The following CEP290 variants were observed in gnomAD, a reference collection of about 807,000 sequenced individuals.
CEP290 encodes centrosomal protein 290.
CEP290 carries 317 observed loss-of-function variants against 344.9 expected under a neutral mutation model. The observed-to-expected ratio is 0.92, with a 90% CI of 0.84 to 1.01. The LOEUF (loss-of-function observed/expected upper bound fraction) is 1.01. Among genes scored for constraint, CEP290 ranks in the 50% least tolerant of loss-of-function variants. CEP290 has a pLI of 0.00. For missense variants in CEP290, 2,754 were observed against 2,761.4 expected (o/e 1.00, Z 0.06); for synonymous variants, 932 against 895.8 (o/e 1.04, Z -0.72).
At chr12:88,097,152 G>A (rs2037489834) in intron 26 of CEP290, among the ~76,000 whole-genome samples, 153 bp from the exon 27 acceptor site, 1 of 151,972 alleles carries the variant, frequency 6.6e-6, no homozygotes, top group Non-Finnish European at 1.5e-5. Context: ...ATACATGTAT[G>A]CATACAAACA....
intron 9 of CEP290, among the ~76,000 whole-genome samples, 171 bp from the exon 10 acceptor site, chr12:88,130,047 T>C (rs946433680): frequency 6.6e-6 from 1 of 151,980 alleles, no homozygotes; most frequent in Non-Finnish European, 1.5e-5. Flanking sequence ...AAGAAAATAG[T>C]ACATAAGGAC....
rs2136547545 is a variant in CEP290 at position 88,049,385 on chromosome 12, C to G, written c.7239G>C (p.Leu2413=). The part of the protein sequence containing the change: ...KEEIKKLKKE[L]ENFDPSFFEE... Reference sequence around the variant, plus strand: ...CAAAAAATGAAGGATCAAAATTTTCCAGTTCTTTTTTCAGCTTCTTTATTT... The same window carrying G: ...CAAAAAATGAAGGATCAAAATTTTCGAGTTCTTTTTTCAGCTTCTTTATTT... Residue 2413 remains leucine (L), a synonymous_variant, in exon 54 of 54, where the codon CTG becomes CTC. Transcript: ENST00000552810. 6.5e-7 allele frequency: 1 copy of G among 1,535,834 alleles called. No homozygotes were observed. Among genetic ancestry groups the G allele is most frequent in the Non-Finnish European group, 8.9e-7 (1 of 1,124,618 alleles).
Position 88,089,488 on chromosome 12 carries a change from C to A in CEP290, c.3574-1G>T. On this transcript the variant is annotated splice_acceptor_variant, in intron 30 of 53. Transcript: ENST00000552810. LOFTEE classifies it high-confidence loss of function. ...TGAGCGACTTTTCATCAGACTGTGCCTGATATTAAAAAAAATATATATTTG... is the reference window on the plus strand; with the variant it reads ...TGAGCGACTTTTCATCAGACTGTGCATGATATTAAAAAAAATATATATTTG... The A allele has an allele frequency of 7.4e-7, 1 of 1,348,984 alleles. No individual in the cohort carries two copies. The highest frequency in any genetic ancestry group is 9.5e-7 in the Non-Finnish European group (1 of 1,048,652). The allele number at this position is 1,348,984 out of a possible 1,614,324, so 83.6% of individuals were successfully genotyped here.
chr12:88,050,454 AT>A, intron 52 of CEP290, 21 bp from the exon 53 acceptor site: 1 of 1,247,684 alleles, frequency 8.0e-7, no homozygotes, highest in Non-Finnish European at 1.2e-6. Flanking sequence ...AGTCATACAA[AT>A]TAGACTCAGC....
At chr12:88,091,820 GCTC>G (rs1363086925) in intron 29 of CEP290, among the ~76,000 whole-genome samples, 2 of 152,066 alleles carry the variant, frequency 1.3e-5, no homozygotes, top group African/African-American at 4.8e-5. Flanking sequence ...TTAACTAAGT[GCTC>G]CTTATACTTT....
At chr12:88,097,942 G>A (rs1346002790) in intron 26 of CEP290, among the ~76,000 whole-genome samples, 1 of 152,110 alleles carries the variant, frequency 6.6e-6, no homozygotes, top group Non-Finnish European at 1.5e-5. Context: ...GTGTGGGTGG[G>A]TGGCAGGATT....
In CEP290 at chr12:88,111,750, C is replaced by T. The variant is rs1378402668; in HGVS notation, c.2161G>A (p.Glu721Lys). 1 of 1,604,436 alleles carries T rather than the reference C, an allele frequency of 6.2e-7. No homozygotes were observed. The highest frequency in any genetic ancestry group is 1.3e-5 in the African/African-American group (1 of 74,508). Reference protein sequence around the residue: ...RNEELRQELRESRKEAINYSQ... With the variant: ...RNEELRQELRKSRKEAINYSQ... ...TAATTTATAGCCTCTTTCCGAGATT[C>T]CCTGAGCTCCTGTCTTAATTCTTCA... The change falls in exon 21 of 54, where the codon GAA (glutamate) becomes AAA (lysine). Residue 721 changes from glutamate to lysine, a missense_variant. By Grantham distance (56) the Glu-to-Lys change is moderately conservative (BLOSUM62 1). Transcript: ENST00000552810.
chr12:88,060,154 T>C, intron 47 of CEP290, 134 bp from the exon 48 acceptor site: 1 of 803,736 alleles, frequency 1.2e-6, no homozygotes, highest in South Asian at 2.0e-5. Context: ...AAGTCTTCAT[T>C]TGAATATTAG....
At chr12:88,058,028 T>C (rs1201330867) in intron 49 of CEP290, 3 of 152,278 alleles carry the variant, frequency 2.0e-5, no homozygotes, top group Non-Finnish European at 2.9e-5. Context: ...AGGATACCAC[T>C]TCATACAGGA....
chr12:88,051,545 G>A (rs2136587341), intron 52 of CEP290, among the ~76,000 whole-genome samples: 1 of 152,244 alleles, frequency 6.6e-6, no homozygotes, highest in South Asian at 2.1e-4. Flanking sequence ...TATATAGACA[G>A]TGATTTAGAA....
intron 43 of CEP290, 39 bp downstream of exon 43, chr12:88,071,255 T>TC (rs1460851704): frequency 1.9e-6 from 3 of 1,542,304 alleles, no homozygotes; most frequent in Middle Eastern, 2.0e-4. Context: ...AACCAGTTTT[T>TC]CATTACAATG....
In CEP290 at chr12:88,064,019, G is replaced by A; in HGVS notation, c.6232C>T (p.Gln2078Ter). ...AAATCTTTATTTGCTTGTTCAAGCT[G>A]AAATTTCAGTTCAATATTTTCAGAT... ...LSSENIELKF[Q>*]LEQANKDLPR... The change falls in exon 45 of 54, where the codon CAG (glutamine) becomes TAG (stop). Residue 2078 changes from glutamine (Q) to a stop codon, truncating the protein, a stop_gained. Transcript: ENST00000552810. LOFTEE classifies it high-confidence loss of function. The A allele has an allele frequency of 1.3e-6, 2 of 1,598,344 alleles. No individual in the cohort carries two copies. Among genetic ancestry groups the A allele is most frequent in the Non-Finnish European group, 1.7e-6 (2 of 1,172,094 alleles).
Position 88,129,528 on chromosome 12 carries a change from T to C in CEP290, c.852+166A>G, listed in dbSNP as rs1013313733. ...GCAAAAATTAGTGTTTGTGAGGTGA[T>C]TGGAGAAACACATATGGACAAATAT... On this transcript the variant is annotated intron_variant, in intron 10 of 53. Transcript: ENST00000552810. Among the ~76,000 whole-genome samples the C allele has an allele frequency of 3.9e-5, 6 of 151,998 alleles. No individual in the cohort carries two copies. In the East Asian group the frequency reaches 7.7e-4, roughly 20 times the overall value.
In CEP290 at chr12:88,093,674, T is replaced by G. The variant is rs957312893; in HGVS notation, c.3309+96A>C. On this transcript the variant is annotated intron_variant, in intron 28 of 53. Transcript: ENST00000552810. The stretch of plus-strand genomic sequence containing the variant: ...CATAGGCACTATATTAATAAGATAT[T>G]TCAGAGATCCAGACAAACCACTTAA... 5 of 848,680 alleles carry G rather than the reference T, an allele frequency of 5.9e-6. No individual in the cohort carries two copies. In the African/African-American group the frequency reaches 8.5e-5, roughly 14 times the overall value. 52.6% of individuals were successfully genotyped at this position (848,680 alleles called of 1,614,324 possible).
chr12:88,110,499 C>G (rs2038608443), intron 22 of CEP290, among the ~76,000 whole-genome samples: 1 of 151,898 alleles, frequency 6.6e-6, no homozygotes. Context: ...TCACTTGAGA[C>G]CAGGAGTTTG....
intron 40 of CEP290, 95 bp downstream of exon 40, chr12:88,077,602 T>C: frequency 2.4e-6 from 2 of 832,260 alleles, no homozygotes; most frequent in South Asian, 1.8e-5. Context: ...TGAAAGTCAG[T>C]TTTAACAAAT....
At chr12:88,106,487 C>T (rs2038290843) in intron 25 of CEP290, among the ~76,000 whole-genome samples, 188 bp downstream of exon 25, 1 of 152,040 alleles carries the variant, frequency 6.6e-6, no homozygotes, top group South Asian at 2.1e-4. Flanking sequence ...CAAAAGGGTA[C>T]ATTAAATATT....
intron 6 of CEP290, among the ~76,000 whole-genome samples, chr12:88,134,387 A>G (rs994010364): frequency 6.6e-6 from 1 of 152,134 alleles, no homozygotes; most frequent in African/African-American, 2.4e-5. Context: ...ATGTTTCCTT[A>G]CTAGTCTTGG....
Position 88,115,138 on chromosome 12 carries a change from T to C in CEP290, c.1869A>G (p.Leu623=). The change falls in exon 19 of 54, where the codon TTA becomes TTG. Residue 623 remains leucine (L), a synonymous_variant. Transcript: ENST00000552810. The part of the protein sequence containing the change: ...SRELIEKERD[L]ERSRTVIAKF... ...TGGCTATCACTGTCCTACTCCTTTC[T>C]AAATCTCTTTCTTTTTCAATTAGTT... 1 of 1,495,148 alleles carries C rather than the reference T, an allele frequency of 6.7e-7. No individual in the cohort carries two copies. Among genetic ancestry groups the C allele is most frequent in the Non-Finnish European group, 9.2e-7 (1 of 1,092,776 alleles). 92.6% of individuals were successfully genotyped at this position (1,495,148 alleles called of 1,614,324 possible).
Sources: allele counts gnomAD v4.1 joint callset (sites outside exome capture counted in the v4.1 genomes callset), GRCh38; gene constraint gnomAD v4.1.1; transcripts MANE v1.5; gene names NCBI Gene and HGNC (gene_info 2026-07-23, HGNC 2026-07-21).